Variants in BCAS1 observed in about 807,000 individuals in gnomAD.
BCAS1 encodes the protein breast carcinoma-amplified sequence 1.
A neutral mutation model predicts 65.4 loss-of-function variants in BCAS1; 46 were observed. The ratio of observed to expected loss-of-function variants is 0.70; its 90% CI spans 0.55 to 0.90. The LOEUF (loss-of-function observed/expected upper bound fraction) is 0.90, where lower values mean the gene tolerates loss of function less well. Among genes scored for constraint, BCAS1 ranks in the 40% least tolerant of loss-of-function variants. The pLI is 0.00. For missense variants in BCAS1, 793 were observed against 771.2 expected (o/e 1.03, Z -0.33); for synonymous variants, 298 against 293.5 (o/e 1.02, Z -0.16).
chr20:54,067,195 C>T (rs1157798268), intron 1 of BCAS1, among the ~76,000 whole-genome samples: 6 of 152,048 alleles, frequency 3.9e-5, no homozygotes, highest in Admixed American at 3.3e-4. Context: ...GCCAACATGG[C>T]GCAACCCTGT....
In BCAS1 at chr20:54,058,089, C is replaced by T. The variant is rs750725351; in HGVS notation, c.138G>A (p.Glu46=). The change falls in exon 3 of 13, where the codon GAG becomes GAA. Residue 46 remains glutamate (E), a synonymous_variant. Coordinates refer to ENST00000688948, the MANE Select transcript of BCAS1 (RefSeq NM_001366298.2). The stretch of plus-strand genomic sequence containing the variant: ...CCTTCCCAGAGTAGCACTGACCTTC[C>T]TCTAAGTGCTGAACTGTGTGGGTCG... ...VVSTHTVQHL[E]EVDLGISVKT... 8.1e-6 allele frequency: 13 copies of T among 1,613,476 alleles called. No individual in the cohort carries two copies. The East Asian group carries it at 2.7e-4, about 33-fold the overall frequency.
intron 4 of BCAS1, among the ~76,000 whole-genome samples, chr20:54,026,042 C>T (rs1259756704): frequency 6.6e-6 from 1 of 152,138 alleles, no homozygotes; most frequent in Non-Finnish European, 1.5e-5. Flanking sequence ...ACAAAGTGGG[C>T]ACTCAGTATT....
At chr20:54,011,847 A>T (rs2091328196) in intron 4 of BCAS1, among the ~76,000 whole-genome samples, 1 of 152,222 alleles carries the variant, frequency 6.6e-6, no homozygotes, top group Non-Finnish European at 1.5e-5. Context: ...ACAGAGCAAG[A>T]TCCAATCTCA....
chr20:54,032,742 G>A (rs531417928), intron 3 of BCAS1, among the ~76,000 whole-genome samples: 1 of 151,142 alleles, frequency 6.6e-6, no homozygotes, highest in Non-Finnish European at 1.5e-5. Flanking sequence ...CATTGCATAA[G>A]GATAAAGTGT....
At chr20:54,055,424 A>T (rs2146307751) in intron 3 of BCAS1, among the ~76,000 whole-genome samples, 1 of 152,292 alleles carries the variant, frequency 6.6e-6, no homozygotes, top group South Asian at 2.1e-4. Context: ...AGAGAAAATG[A>T]GGATGATGCA....
At chr20:54,059,739 T>C (rs796385652) in intron 1 of BCAS1, among the ~76,000 whole-genome samples, 2 of 152,342 alleles carry the variant, frequency 1.3e-5, no homozygotes, top group African/African-American at 4.8e-5. Flanking sequence ...CGCAACCACA[T>C]TGAACACTCT....
At chr20:53,951,979 A>T (rs2089542012) in intron 12 of BCAS1, among the ~76,000 whole-genome samples, 1 of 152,196 alleles carries the variant, frequency 6.6e-6, no homozygotes, top group Non-Finnish European at 1.5e-5. Flanking sequence ...AAGAAGGAAG[A>T]AGGGAAAAAA....
At chr20:53,992,328 T>C (rs1600804775) in intron 7 of BCAS1, among the ~76,000 whole-genome samples, 184 bp downstream of exon 7, 1 of 152,252 alleles carries the variant, frequency 6.6e-6, no homozygotes, top group East Asian at 1.9e-4. Flanking sequence ...GTTTGAAATG[T>C]TTATGACTAT....
At chr20:53,975,988 C>G (rs1302858545) in intron 8 of BCAS1, among the ~76,000 whole-genome samples, 1 of 152,158 alleles carries the variant, frequency 6.6e-6, no homozygotes, top group Non-Finnish European at 1.5e-5. Context: ...TCAGTCTAGG[C>G]CAAGTTCATT....
Position 53,955,892 on chromosome 20 carries a change from CCAT to C in BCAS1, c.1551+1537_1551+1539del, listed in dbSNP as rs141481845. ...ACTGTAAAATTCCAGACAAAATATACCATCATATTTAAGCTTGTCTTAAAAGCT... is the reference window on the plus strand; with the variant it reads ...ACTGTAAAATTCCAGACAAAATATACCATATTTAAGCTTGTCTTAAAAGCT... On this transcript the variant is annotated intron_variant, in intron 11 of 12. Transcript: ENST00000688948. Among the ~76,000 whole-genome samples, 628 of 151,936 alleles carry C rather than the reference CCAT, an allele frequency of 4.1e-3. 6 individuals carry two copies. The highest frequency in any genetic ancestry group is 0.014 in the African/African-American group (601 of 41,478).
At chr20:54,019,182 C>A (rs1173429322) in intron 4 of BCAS1, among the ~76,000 whole-genome samples, 2 of 152,210 alleles carry the variant, frequency 1.3e-5, no homozygotes, top group Non-Finnish European at 2.9e-5. Flanking sequence ...CAACATCATA[C>A]AACTTCTGGT....
At chr20:54,065,161 TATC>T (rs200173143) in intron 1 of BCAS1, among the ~76,000 whole-genome samples, 7,985 of 132,584 alleles carry the variant, frequency 0.06, 289 homozygotes, top group East Asian at 0.13. Context: ...TCTATCTATC[TATC>T]ATCTACTTTA....
Position 54,044,445 on chromosome 20 carries a change from C to T in BCAS1, c.142+13640G>A, listed in dbSNP as rs1374809611. Among the ~76,000 whole-genome samples, 5 of 152,272 alleles carry T rather than the reference C, an allele frequency of 3.3e-5. No individual in the cohort carries two copies. The East Asian group carries it at 5.8e-4, about 18-fold the overall frequency. On this transcript the variant is annotated intron_variant, in intron 3 of 12. Transcript: ENST00000688948. ...AAATCAGACTGTATGAGTCATGGAACAGTAAGTTGTGTCCAGAGTATCTGT... is the reference window on the plus strand; with the variant it reads ...AAATCAGACTGTATGAGTCATGGAATAGTAAGTTGTGTCCAGAGTATCTGT...
chr20:53,963,580 C>A (rs1298792379), intron 10 of BCAS1, among the ~76,000 whole-genome samples: 1 of 152,164 alleles, frequency 6.6e-6, no homozygotes. Flanking sequence ...TGAGTTCTCT[C>A]TTCCATTAAA....
At chr20:54,060,984 C>T (rs1055494096) in intron 1 of BCAS1, among the ~76,000 whole-genome samples, 2 of 152,216 alleles carry the variant, frequency 1.3e-5, no homozygotes, top group East Asian at 1.9e-4. Flanking sequence ...TGAAGAGCTT[C>T]GTTATAATAA....
At chr20:53,953,342 G>T in intron 12 of BCAS1, 90 bp downstream of exon 12, 2 of 1,498,384 alleles carry the variant, frequency 1.3e-6, no homozygotes, top group Non-Finnish European at 1.8e-6. Flanking sequence ...AGTGTGAAGA[G>T]CCACATGTAG....
intron 4 of BCAS1, among the ~76,000 whole-genome samples, chr20:53,997,937 C>T (rs941790603): frequency 6.6e-6 from 1 of 152,156 alleles, no homozygotes; most frequent in Non-Finnish European, 1.5e-5. Flanking sequence ...CATCCCAGGG[C>T]TGTGGGTTCC....
chr20:54,008,766 C>A (rs115430076), intron 4 of BCAS1, among the ~76,000 whole-genome samples: 1,951 of 152,110 alleles, frequency 0.013, 43 homozygotes, highest in African/African-American at 0.044. Context: ...AGATGTCAAC[C>A]TGGAAATGAG....
rs752947937 is a variant in BCAS1, at chr20:53,944,992, G to C, written c.1820C>G (p.Pro607Arg). The C allele has an allele frequency of 3.1e-6, 5 of 1,614,030 alleles. 1 individual carries two copies. The South Asian group carries it at 5.5e-5, about 18-fold the overall frequency. Residue 607 changes from proline (P) to arginine (R), a missense_variant, in exon 13 of 13, where the codon CCA becomes CGA. By Grantham distance (103) the Pro-to-Arg change is moderately radical (BLOSUM62 -2). Transcript: ENST00000688948. ...SLGGFFKGLG[P>R]KRMLDAQVQT... is the part of the protein sequence containing the mutation. ...CACTTGAGCATCCAACATCCGCTTT[G>C]GTCCCTGGAGAAAAACAGAAAGACG... is the stretch of plus-strand genomic sequence containing the variant.
Sources: allele counts gnomAD v4.1 joint callset (sites outside exome capture counted in the v4.1 genomes callset), GRCh38; gene constraint gnomAD v4.1.1; transcripts MANE v1.5; gene names NCBI Gene and HGNC (gene_info 2026-07-23, HGNC 2026-07-21).